AACS: variants seen among roughly 807,000 people sequenced by gnomAD.
The protein encoded by AACS is acetoacetyl-CoA synthetase, also known as acetoacetate-CoA ligase.
Under a neutral mutation model 83.1 loss-of-function variants are expected in AACS, and 69 were observed. The ratio of observed to expected loss-of-function variants is 0.83; its 90% CI spans 0.68 to 1.01. The LOEUF (loss-of-function observed/expected upper bound fraction) is 1.01, where lower values mean the gene tolerates loss of function less well. Among genes scored for constraint, AACS ranks in the 50% least tolerant of loss-of-function variants. The pLI, the probability that AACS is intolerant of heterozygous loss-of-function variation, is 0.00. For synonymous variants in AACS, 333 were observed against 343.4 expected (o/e 0.97, Z 0.33); for missense variants, 866 against 882.2 (o/e 0.98, Z 0.23).
chr12:125,070,930 A>G (rs1180587254), intron 1 of AACS, among the ~76,000 whole-genome samples: 2 of 152,208 alleles, frequency 1.3e-5, no homozygotes, highest in African/African-American at 4.8e-5. Context: ...GGTGTGGACA[A>G]TGCATTTGTT....
intron 10 of AACS, chr12:125,120,624 C>T (rs1413356134): frequency 6.6e-6 from 1 of 151,984 alleles, no homozygotes; most frequent in Non-Finnish European, 1.5e-5. Context: ...ATTGGTGTGT[C>T]GGGGAGGCAG....
intron 8 of AACS, among the ~76,000 whole-genome samples, chr12:125,109,584 G>A (rs1264162775): frequency 1.3e-5 from 2 of 152,204 alleles, no homozygotes; most frequent in African/African-American, 4.8e-5. Flanking sequence ...AAGAACAGGA[G>A]CGTTCTCTTA....
chr12:125,078,529 G>A (rs548437899), intron 3 of AACS, among the ~76,000 whole-genome samples: 9 of 152,254 alleles, frequency 5.9e-5, no homozygotes, highest in Admixed American at 4.6e-4. Context: ...TGTATTAAAT[G>A]CCTCATTAGG....
rs1156952536 is a variant in AACS at position 125,065,592 on chromosome 12, A to G, written c.8A>G (p.Lys3Arg). 2.0e-6 allele frequency: 3 copies of G among 1,525,934 alleles called. No homozygotes were observed. Among genetic ancestry groups the G allele is most frequent in the Non-Finnish European group, 1.8e-6 (2 of 1,136,124 alleles). The allele number at this position is 1,525,934 out of a possible 1,614,324, so 94.5% of individuals were successfully genotyped here. The change falls in exon 1 of 18, where the codon AAG (lysine) becomes AGG (arginine). Residue 3 changes from lysine (K) to arginine (R), a missense_variant. Transcript: ENST00000316519. MS[K>R]EERPGREEIL... ...CGGCCGCCCGCCGCCGCCATGTCCAAGGAGGAGCGCCCCGGTCGGGAGGAG... is the reference window on the plus strand; with the variant it reads ...CGGCCGCCCGCCGCCGCCATGTCCAGGGAGGAGCGCCCCGGTCGGGAGGAG...
At position 125,094,658 on chromosome 12, in the gene AACS, C is replaced by T. The variant is rs981494268; in HGVS notation, c.570+3135C>T. ...TACTTCTACCCATTCCATGCTCTCT[C>T]CCACCACTGCCCACCTCCTTCTGCC... On this transcript the variant is annotated intron_variant, in intron 5 of 17. Transcript: ENST00000316519. The surrounding 1 kb of genome is among the most constrained non-coding windows in gnomAD (Gnocchi z 4.1). Among the ~76,000 whole-genome samples, 2 of 152,206 alleles carry T rather than the reference C, an allele frequency of 1.3e-5. No homozygotes were observed. The highest frequency in any genetic ancestry group is 2.9e-5 in the Non-Finnish European group (2 of 68,040).
chr12:125,134,440 G>A lies in AACS; in HGVS notation c.1620-354G>A, dbSNP rs376444418. ...TGTGCCAGCTTCCTTCCCGAGGGAT[G>A]GGTCTGGGCGTGATCCAAGTCTCCC... On this transcript the variant is annotated intron_variant, in intron 15 of 17. Coordinates refer to ENST00000316519, the MANE Select transcript of AACS (RefSeq NM_023928.5). 2.0e-4 allele frequency among the ~76,000 whole-genome samples: 31 copies of A among 152,210 alleles called. 1 individual carries two copies. Among genetic ancestry groups the A allele is most frequent in the African/African-American group, 6.5e-4 (27 of 41,442 alleles).
intron 8 of AACS, among the ~76,000 whole-genome samples, chr12:125,112,532 T>C (rs1294954864): frequency 6.6e-6 from 1 of 151,830 alleles, no homozygotes; most frequent in Admixed American, 6.6e-5. Context: ...TAAAAAAAAT[T>C]AGCTGGGCAT....
At chr12:125,085,290 GCA>G (rs1956306115) in intron 3 of AACS, among the ~76,000 whole-genome samples, 1 of 152,240 alleles carries the variant, frequency 6.6e-6, no homozygotes, top group Non-Finnish European at 1.5e-5. Context: ...CCACGCACAC[GCA>G]TGTTGCATCC....
chr12:125,066,169 T>A (rs965556851), intron 1 of AACS, among the ~76,000 whole-genome samples: 1 of 152,138 alleles, frequency 6.6e-6, no homozygotes, highest in African/African-American at 2.4e-5. Flanking sequence ...CTGACCTCCC[T>A]CATCTCCAGC....
At position 125,143,085 on chromosome 12, in the gene AACS, G is replaced by A. The variant is rs1360853567; in HGVS notation, c.*856G>A. On this transcript the variant is annotated 3_prime_UTR_variant, in exon 18 of 18. Coordinates refer to ENST00000316519, the MANE Select transcript of AACS (RefSeq NM_023928.5). ...GCTAGGGGGTTCTTGTCGAGATCATGTCATCAGCACCCCTAAGTCAAGTCA... is the reference window on the plus strand; with the variant it reads ...GCTAGGGGGTTCTTGTCGAGATCATATCATCAGCACCCCTAAGTCAAGTCA... 2 of 152,232 alleles carry A rather than the reference G, an allele frequency of 1.3e-5. No homozygotes were observed. The highest frequency in any genetic ancestry group is 4.8e-5 in the African/African-American group (2 of 41,460). The allele number at this position is 152,232 out of a possible 1,614,324, so 9.4% of individuals were successfully genotyped here. A position where few individuals can be genotyped will look rare whatever the true frequency, so the allele number is the denominator to read the frequency against.
chr12:125,124,544 C>T (rs1026961450), intron 10 of AACS, 161 bp from the exon 11 acceptor site: 14 of 741,780 alleles, frequency 1.9e-5, no homozygotes, highest in African/African-American at 1.6e-4. Context: ...AGTCAGGTGC[C>T]GTGACTCAGA....
chr12:125,070,560 G>A (rs753501132), intron 1 of AACS, among the ~76,000 whole-genome samples: 41 of 152,158 alleles, frequency 2.7e-4, no homozygotes, highest in Non-Finnish European at 5.3e-4. Flanking sequence ...GAAGGTGTGG[G>A]CTGGCCAAGA....
rs1956637952 is a variant in AACS, at chr12:125,097,690, C to G, written c.571-4989C>G. Among the ~76,000 whole-genome samples, 1 of 152,174 alleles carries G rather than the reference C, an allele frequency of 6.6e-6. No homozygotes were observed. The highest frequency in any genetic ancestry group is 1.5e-5 in the Non-Finnish European group (1 of 68,032). The stretch of plus-strand genomic sequence containing the variant: ...GAGAGCACTTCAGCCTTCCTTCCCC[C>G]TGTCCAGTCAGCACTGGCGGGGCTG... On this transcript the variant is annotated intron_variant, in intron 5 of 17. Coordinates refer to ENST00000316519, the MANE Select transcript of AACS (RefSeq NM_023928.5). The surrounding 1 kb of genome is among the most constrained non-coding windows in gnomAD (Gnocchi z 4.3).
At chr12:125,127,939 G>A (rs1028315051) in intron 12 of AACS, 3 of 381,822 alleles carry the variant, frequency 7.9e-6, no homozygotes, top group African/African-American at 2.1e-5. Context: ...AGGAAGGCTC[G>A]GCTAAAACGT....
intron 8 of AACS, among the ~76,000 whole-genome samples, chr12:125,108,616 A>G (rs1476652349): frequency 6.6e-6 from 1 of 152,140 alleles, no homozygotes; most frequent in South Asian, 2.1e-4. Context: ...TGTTACTACT[A>G]TGCAATAGAA....
At chr12:125,068,551 C>T (rs779569300) in intron 1 of AACS, among the ~76,000 whole-genome samples, 4 of 152,202 alleles carry the variant, frequency 2.6e-5, no homozygotes, top group Non-Finnish European at 4.4e-5. Flanking sequence ...GCATTCCCAA[C>T]GTGGCAGCAT....
chr12:125,072,164 T>TG (rs1263483385), intron 1 of AACS, among the ~76,000 whole-genome samples: 1 of 150,162 alleles, frequency 6.7e-6, no homozygotes, highest in Non-Finnish European at 1.5e-5. Context: ...GCGCTTTTTT[T>TG]TTTTTTTTAA....
Position 125,069,259 on chromosome 12 carries a change from C to T in AACS, c.133+3542C>T, listed in dbSNP as rs115634663. The stretch of plus-strand genomic sequence containing the variant: ...TGGGGCCATGCTTTGGACTGGATGT[C>T]AGTAGAGAGCAAGGCACACATCCTC... On this transcript the variant is annotated intron_variant, in intron 1 of 17. Coordinates refer to ENST00000316519, the MANE Select transcript of AACS (RefSeq NM_023928.5). Among the ~76,000 whole-genome samples, 1,144 of 152,332 alleles carry T rather than the reference C, an allele frequency of 7.5e-3. 13 individuals are homozygous for T. The highest frequency in any genetic ancestry group is 0.027 in the African/African-American group (1,109 of 41,578).
intron 1 of AACS, 38 bp from the exon 2 acceptor site, chr12:125,073,836 ATT>A: frequency 1.3e-6 from 2 of 1,553,480 alleles, no homozygotes; most frequent in Non-Finnish European, 1.8e-6. Flanking sequence ...GATTGCCAAG[ATT>A]TCCCTTCTAA....
Sources: allele counts gnomAD v4.1 joint callset (sites outside exome capture counted in the v4.1 genomes callset), GRCh38; gene constraint gnomAD v4.1.1; non-coding constraint Gnocchi (gnomAD v3.1); transcripts MANE v1.5; gene names NCBI Gene and HGNC (gene_info 2026-07-23, HGNC 2026-07-21).